The following CNTN4 variants were observed in gnomAD, a reference collection of about 807,000 sequenced individuals.
The protein encoded by CNTN4 is contactin-4.
A neutral mutation model predicts 122.5 loss-of-function variants in CNTN4; 77 were observed. The observed-to-expected ratio is 0.63, with a 90% CI of 0.52 to 0.76. The LOEUF is 0.76. CNTN4 is among the 30% of genes least tolerant of loss of function. The pLI is 0.00. For missense variants in CNTN4, 1,256 were observed against 1,259.1 expected, an observed-to-expected ratio of 1.00 and a Z score of 0.04; for synonymous variants, 512 against 447.0, an observed-to-expected ratio of 1.15 and a Z score of -1.83.
At chr3:2,222,914 A>G (rs928327251) in intron 2 of CNTN4, among the ~76,000 whole-genome samples, 1 of 152,172 alleles carries the variant, frequency 6.6e-6, no homozygotes, top group African/African-American at 2.4e-5. Flanking sequence ...CCCAACCCCT[A>G]AAAGCCACTA....
At chr3:2,524,523 G>A (rs2077332243) in intron 3 of CNTN4, among the ~76,000 whole-genome samples, 1 of 152,152 alleles carries the variant, frequency 6.6e-6, no homozygotes, top group East Asian at 1.9e-4. Flanking sequence ...TAACCAATAT[G>A]TTTAAATTTT....
At chr3:2,173,023 C>G (rs908327974) in intron 2 of CNTN4, among the ~76,000 whole-genome samples, 1 of 152,160 alleles carries the variant, frequency 6.6e-6, no homozygotes, top group South Asian at 2.1e-4. Context: ...GTAGATTGTG[C>G]TGATATCAGT....
chr3:2,135,284 A>C (rs1241437237), intron 2 of CNTN4, among the ~76,000 whole-genome samples: 2 of 152,178 alleles, frequency 1.3e-5, no homozygotes, highest in African/African-American at 4.8e-5. Context: ...AATGAACATC[A>C]GGTACTTGAA....
intron 2 of CNTN4, among the ~76,000 whole-genome samples, chr3:2,309,497 G>GT (rs968234995): frequency 6.6e-5 from 10 of 152,134 alleles, no homozygotes; most frequent in South Asian, 2.1e-4. Flanking sequence ...TTTCCTACTT[G>GT]TTTTTTATAT....
At chr3:2,682,603 G>A (rs2085220378) in intron 4 of CNTN4, among the ~76,000 whole-genome samples, 1 of 152,078 alleles carries the variant, frequency 6.6e-6, no homozygotes, top group Non-Finnish European at 1.5e-5. Context: ...CAATACAGAA[G>A]CAAAGTGTAT....
chr3:2,137,583 G>A (rs1016620145), intron 2 of CNTN4, among the ~76,000 whole-genome samples: 1 of 152,152 alleles, frequency 6.6e-6, no homozygotes, highest in Non-Finnish European at 1.5e-5. Flanking sequence ...GTGAGTTATT[G>A]TATGTAACTT....
chr3:2,147,560 C>T (rs549653908), intron 2 of CNTN4, among the ~76,000 whole-genome samples: 16 of 152,242 alleles, frequency 1.1e-4, no homozygotes, highest in South Asian at 6.2e-4. Flanking sequence ...TCTTTCCCGT[C>T]CTCCACTCTT....
chr3:2,152,289 G>A (rs2035527376), intron 2 of CNTN4, among the ~76,000 whole-genome samples: 1 of 152,198 alleles, frequency 6.6e-6, no homozygotes, highest in Non-Finnish European at 1.5e-5. Context: ...AGTGAGATGA[G>A]TGAGGCGGAG....
chr3:2,379,879 AC>A (rs578128121), intron 3 of CNTN4, among the ~76,000 whole-genome samples: 2 of 151,762 alleles, frequency 1.3e-5, no homozygotes, highest in Non-Finnish European at 2.9e-5. Flanking sequence ...ACATGGAGAA[AC>A]CCCATCTCTA....
chr3:2,473,396 C>G (rs1404788774), intron 3 of CNTN4, among the ~76,000 whole-genome samples: 4 of 152,126 alleles, frequency 2.6e-5, no homozygotes, highest in African/African-American at 9.7e-5. Flanking sequence ...ACCTTTTATA[C>G]TAGCCATTGT....
intron 17 of CNTN4, among the ~76,000 whole-genome samples, chr3:3,036,449 G>T (rs1699612687): frequency 1.3e-5 from 2 of 152,026 alleles, no homozygotes; most frequent in African/African-American, 4.8e-5. Context: ...CTGTTAAATG[G>T]GCACAATAAG....
intron 3 of CNTN4, among the ~76,000 whole-genome samples, chr3:2,420,744 C>T (rs528553111): frequency 1.3e-5 from 2 of 152,200 alleles, no homozygotes; most frequent in African/African-American, 4.8e-5. Flanking sequence ...ATGTTCTTTA[C>T]TGGACGCCTT....
intron 7 of CNTN4, among the ~76,000 whole-genome samples, chr3:2,845,107 G>A (rs2093431981): frequency 2.0e-5 from 3 of 152,092 alleles, no homozygotes; most frequent in South Asian, 4.1e-4. Flanking sequence ...AAAACTAGGT[G>A]CAATCCTTTG....
At chr3:2,696,139 C>T (rs972168883) in intron 4 of CNTN4, among the ~76,000 whole-genome samples, 23 of 152,274 alleles carry the variant, frequency 1.5e-4, no homozygotes, top group Admixed American at 4.6e-4. Context: ...TTTGGCTCTA[C>T]GGCCAAGGAC....
At chr3:3,048,412 G>T (rs1700898086) in intron 23 of CNTN4, among the ~76,000 whole-genome samples, 2 of 152,048 alleles carry the variant, frequency 1.3e-5, no homozygotes, top group South Asian at 4.2e-4. Context: ...GTATATCCAG[G>T]ACTTGAGTAT....
At chr3:2,156,683 G>T (rs942653663) in intron 2 of CNTN4, among the ~76,000 whole-genome samples, 1 of 152,160 alleles carries the variant, frequency 6.6e-6, no homozygotes, top group Admixed American at 6.5e-5. Flanking sequence ...CAGAGAGAAG[G>T]CAAGTCATTT....
At chr3:2,937,759 C>T (rs989075576) in intron 13 of CNTN4, among the ~76,000 whole-genome samples, 1 of 152,176 alleles carries the variant, frequency 6.6e-6, no homozygotes, top group African/African-American at 2.4e-5. Flanking sequence ...GGAAGAGACT[C>T]TCAGTCAGGC....
intron 3 of CNTN4, among the ~76,000 whole-genome samples, chr3:2,343,280 C>A (rs1367506842): frequency 6.6e-6 from 1 of 152,172 alleles, no homozygotes; most frequent in African/African-American, 2.4e-5. Context: ...CTTTGTACTG[C>A]ATTGCCGATG....
intron 3 of CNTN4, among the ~76,000 whole-genome samples, chr3:2,478,406 TTG>T (rs1491484937): frequency 0.039 from 574 of 14,774 alleles, 2 homozygotes; most frequent in African/African-American, 0.064. Flanking sequence ...CTTTATCTGT[TTG>T]TTTTTTTTTT....
Sources: allele counts gnomAD v4.1 joint callset (sites outside exome capture counted in the v4.1 genomes callset), GRCh38; gene constraint gnomAD v4.1.1; transcripts MANE v1.5; gene names NCBI Gene and HGNC (gene_info 2026-07-23, HGNC 2026-07-21).